MTMR11: variants seen among roughly 807,000 people sequenced by gnomAD.
MTMR11 encodes the protein myotubularin-related protein 11.
In MTMR11, 89 loss-of-function variants were observed where a neutral mutation model predicts 100.0. That is an observed-to-expected ratio of 0.89 (90% CI 0.75 to 1.06). The LOEUF is 1.06. Among genes scored for constraint, MTMR11 ranks in the 50% least tolerant of loss-of-function variants. MTMR11 has a pLI of 0.00. For synonymous variants in MTMR11, 336 were observed against 326.3 expected (o/e 1.03, Z -0.32); for missense variants, 809 against 873.7 (o/e 0.93, Z 0.93).
At chr1:149,931,544 G>T in intron 12 of MTMR11, 118 bp from the exon 13 acceptor site, 1 of 955,082 alleles carries the variant, frequency 1.0e-6, no homozygotes, top group Non-Finnish European at 1.5e-6. Context: ...AAAGGTTTGG[G>T]GTAGGAGGAT....
At chr1:149,935,412 C>A (rs1211619969) in intron 3 of MTMR11, 53 bp from the exon 4 acceptor site, 2 of 1,601,844 alleles carry the variant, frequency 1.2e-6, no homozygotes, top group Admixed American at 3.4e-5. Context: ...CATTTTCCTA[C>A]CCTGGCAGCC....
rs1553768543 is a variant in MTMR11, at chr1:149,934,436, A to C, written c.547+12T>G. On this transcript the variant is annotated intron_variant, in intron 6 of 16. Coordinates refer to ENST00000439741, the MANE Select transcript of MTMR11 (RefSeq NM_001145862.2). ...TTCAGACTCTTCCTTACCCTAAAGC[A>C]CTCTCACTCACCAGCCTTGCTCAGG... The C allele has an allele frequency of 1.2e-6, 2 of 1,613,780 alleles. No individual in the cohort carries two copies. Among genetic ancestry groups the C allele is most frequent in the Non-Finnish European group, 1.7e-6 (2 of 1,179,876 alleles).
At chr1:149,931,040 G>A in intron 13 of MTMR11, 75 bp from the exon 14 acceptor site, 1 of 1,421,906 alleles carries the variant, frequency 7.0e-7, no homozygotes. Context: ...TAAGGGAATG[G>A]GGAACACAGG....
rs2092719823 is a variant in MTMR11, at chr1:149,936,161, G to T, written c.135C>A (p.Cys45Ter). 6.2e-7 allele frequency: 1 copy of T among 1,613,672 alleles called. No individual in the cohort carries two copies. Among genetic ancestry groups the T allele is most frequent in the Non-Finnish European group, 8.5e-7 (1 of 1,179,718 alleles). The change falls in exon 2 of 17, where the codon TGC becomes TGA. Residue 45 changes from cysteine (C) to a stop codon, truncating the protein, a stop_gained. Transcript: ENST00000439741. LOFTEE classifies it high-confidence loss of function. Reference sequence around the variant, plus strand: ...GTGATAGGGCATTATTACCTGGGAGGCATCTGGAGGCCAGGCAACTGCTAG... The same window carrying T: ...GTGATAGGGCATTATTACCTGGGAGTCATCTGGAGGCCAGGCAACTGCTAG... ...RQPSSCLASR[C>*]LPGEQILAWA...
rs1015700061 is a variant in MTMR11, at chr1:149,936,093, G to A, written c.142+61C>T. ...ACAGGGGTATCTTTGGTGAGGGCATGAAACAAGATTGGCGTAGGATGAAAT... is the reference window on the plus strand; with the variant it reads ...ACAGGGGTATCTTTGGTGAGGGCATAAAACAAGATTGGCGTAGGATGAAAT... On this transcript the variant is annotated intron_variant, in intron 2 of 16. Transcript: ENST00000439741. 2.0e-5 allele frequency: 31 copies of A among 1,541,404 alleles called. No individual in the cohort carries two copies. The African/African-American group carries it at 3.7e-4, about 18-fold the overall frequency.
chr1:149,930,921 G>A lies in MTMR11; in HGVS notation c.1335C>T (p.Leu445=). Residue 445 remains leucine, a synonymous_variant, in exon 14 of 17, where the codon CTC becomes CTT. Transcript: ENST00000439741. ...ATTCAAAATCAGCTGGAAACTGCTGGAGGAGCTGCCAGACACAATCAAGGA... is the reference window on the plus strand; with the variant it reads ...ATTCAAAATCAGCTGGAAACTGCTGAAGGAGCTGCCAGACACAATCAAGGA... ...LLFLDCVWQL[L]QQFPADFEFS... The A allele has an allele frequency of 1.9e-6, 3 of 1,612,710 alleles. No individual in the cohort carries two copies. The highest frequency in any genetic ancestry group is 2.5e-6 in the Non-Finnish European group (3 of 1,179,566).
intron 1 of MTMR11, 91 bp from the exon 2 acceptor site, chr1:149,936,320 ACT>A: frequency 2.6e-6 from 4 of 1,547,304 alleles, no homozygotes; most frequent in South Asian, 2.4e-5. Flanking sequence ...CTACACTCAC[ACT>A]CTCGGGGGAA....
rs375056221 is a variant in MTMR11, at chr1:149,935,103, G to A, written c.351C>T (p.Leu117=). 5.0e-6 allele frequency: 8 copies of A among 1,614,148 alleles called. No individual in the cohort carries two copies. Among genetic ancestry groups the A allele is most frequent in the Middle Eastern group, 1.7e-4 (1 of 6,058 alleles). The change falls in exon 5 of 17, where the codon CTC becomes CTT. Residue 117 remains leucine (L), a synonymous_variant. Transcript: ENST00000439741. ...ATTTATGCAGGGACCCTGGACGGAG[G>A]AGCTGGACTCGGGACAAGCCGCTCA... The part of the protein sequence containing the change: ...EAVSGLSRVQ[L]LRPGSLHKFI...
chr1:149,930,896 A>G lies in MTMR11; in HGVS notation c.1360T>C (p.Phe454Leu). 1 of 1,613,462 alleles carries G rather than the reference A, an allele frequency of 6.2e-7. No homozygotes were observed. Among genetic ancestry groups the G allele is most frequent in the Non-Finnish European group, 8.5e-7 (1 of 1,179,768 alleles). The stretch of plus-strand genomic sequence containing the variant: ...AGAGCAAGAAGGAAAAACTCAGAGA[A>G]TTCAAAATCAGCTGGAAACTGCTGG... The part of the protein sequence containing the change: ...LLQQFPADFE[F>L]SEFFLLALHD... Residue 454 changes from phenylalanine (F) to leucine (L), a missense_variant, in exon 14 of 17, where the codon TTC becomes CTC. Physicochemically the swap from Phe to Leu is conservative, Grantham distance 22. Transcript: ENST00000439741.
Position 149,931,279 on chromosome 1 carries a change from C to T in MTMR11, c.1271G>A (p.Gly424Glu), listed in dbSNP as rs1571542514. 1 of 1,614,066 alleles carries T rather than the reference C, an allele frequency of 6.2e-7. No homozygotes were observed. The highest frequency in any genetic ancestry group is 1.7e-5 in the Admixed American group (1 of 60,012). Residue 424 changes from glycine to glutamate, a missense_variant, in exon 13 of 17, where the codon GGA (glycine) becomes GAA (glutamate). By Grantham distance (98) the Gly-to-Glu change is moderately conservative. Transcript: ENST00000439741. Reference sequence around the variant, plus strand: ...TCTCACCTCTTCACTGGCCCCAGTTCCCCCAAGCCGAGTCAGGAAGGGATG... The same window carrying T: ...TCTCACCTCTTCACTGGCCCCAGTTTCCCCAAGCCGAGTCAGGAAGGGATG... ...AGHPFLTRLG[G>E]TGASEEAPVF...
In MTMR11 at chr1:149,930,933, G is replaced by A. The variant is rs2092650647; in HGVS notation, c.1323C>T (p.Val441=). 6.2e-7 allele frequency: 1 copy of A among 1,610,252 alleles called. No individual in the cohort carries two copies. Among genetic ancestry groups the A allele is most frequent in the Admixed American group, 1.7e-5 (1 of 58,924 alleles). ...APVFLLFLDC[V]WQLLQQFPAD... is the part of the protein sequence containing the mutation. ...CTGGAAACTGCTGGAGGAGCTGCCA[G>A]ACACAATCAAGGAAGAGGAGAAACA... Residue 441 remains valine, a synonymous_variant, in exon 14 of 17, where the codon GTC becomes GTT. Coordinates refer to ENST00000439741, the MANE Select transcript of MTMR11 (RefSeq NM_001145862.2).
rs587604192 is a variant in MTMR11, at chr1:149,934,000, T to C, written c.684-58A>G. The C allele has an allele frequency of 5.0e-5, 79 of 1,565,410 alleles. No homozygotes were observed. The African/African-American group carries it at 1.0e-3, about 20-fold the overall frequency. ...CAGTGACTTCATTATAATGGAAAGCTCTTATTACAAGGAAGCTGCTTCAGA... is the reference window on the plus strand; with the variant it reads ...CAGTGACTTCATTATAATGGAAAGCCCTTATTACAAGGAAGCTGCTTCAGA... On this transcript the variant is annotated intron_variant, in intron 7 of 16. Transcript: ENST00000439741.
rs2092686102 is a variant in MTMR11, at chr1:149,933,468, T to TCATC, written c.919_922dup (p.Glu308GlyfsTer2). ...TTGGACATCTGCAAGGCTGGGCAGC[T>TCATC]CATCCATAGTGTCTACCAGGACAAC... is the stretch of plus-strand genomic sequence containing the variant. On this transcript the variant is annotated stop_gained and frameshift_variant, in exon 10 of 17. Coordinates refer to ENST00000439741, the MANE Select transcript of MTMR11 (RefSeq NM_001145862.2). LOFTEE classifies it high-confidence loss of function. 1 of 1,613,956 alleles carries TCATC rather than the reference T, an allele frequency of 6.2e-7. No individual in the cohort carries two copies. Among genetic ancestry groups the TCATC allele is most frequent in the Admixed American group, 1.7e-5 (1 of 59,988 alleles).
At position 149,934,491 on chromosome 1, in the gene MTMR11, G is replaced by A. The variant is rs1164245722; in HGVS notation, c.504C>T (p.Ser168=). The A allele has an allele frequency of 8.7e-6, 14 of 1,614,094 alleles. No individual in the cohort carries two copies. Among genetic ancestry groups the A allele is most frequent in the Non-Finnish European group, 1.2e-5 (14 of 1,180,046 alleles). ...TMAIVQARAQ[S]NQAQQYSGIT... is the part of the protein sequence containing the mutation. ...TCCCCGAATACTGTTGGGCTTGATT[G>A]CTCTGAGCTCTGGCTTGGACAATGG... Residue 168 remains serine (S), a synonymous_variant, in exon 6 of 17, where the codon AGC becomes AGT. Coordinates refer to ENST00000439741, the MANE Select transcript of MTMR11 (RefSeq NM_001145862.2).
Position 149,933,523 on chromosome 1 carries a change from C to T in MTMR11, c.868G>A (p.Glu290Lys). ...DPNKEDIRAVELMLQAGHSDV... is the reference protein window; with the variant it reads ...DPNKEDIRAVKLMLQAGHSDV... ...GAATGCCCAGCCTGGAGCATCAACT[C>T]CACTGCTCTGGAGGGGAGGGAGTCA... Residue 290 changes from glutamate (E) to lysine (K), a missense_variant, in exon 10 of 17, where the codon GAG becomes AAG. Transcript: ENST00000439741. 1.2e-6 allele frequency: 2 copies of T among 1,614,072 alleles called. No homozygotes were observed. The highest frequency in any genetic ancestry group is 2.2e-5 in the East Asian group (1 of 44,872).
In MTMR11 at chr1:149,935,036, G is replaced by A. The variant is rs1468467610; in HGVS notation, c.418C>T (p.Leu140=). 1.2e-6 allele frequency: 2 copies of A among 1,614,128 alleles called. No individual in the cohort carries two copies. The highest frequency in any genetic ancestry group is 1.3e-5 in the African/African-American group (1 of 75,032). The stretch of plus-strand genomic sequence containing the variant: ...CCAGCCTCAAAACCAACTCTGAGCA[G>A]CCGGAAGTCTCGGCCATGAATCAGA... The part of the protein sequence containing the change: ...EILIHGRDFR[L]LRVGFEAGGL... Residue 140 remains leucine, a synonymous_variant, in exon 5 of 17, where the codon CTG becomes TTG. Coordinates refer to ENST00000439741, the MANE Select transcript of MTMR11 (RefSeq NM_001145862.2).
At position 149,936,654 on chromosome 1, in the gene MTMR11, G is replaced by T; in HGVS notation, c.-7C>A. On this transcript the variant is annotated 5_prime_UTR_variant, in exon 1 of 17. Coordinates refer to ENST00000439741, the MANE Select transcript of MTMR11 (RefSeq NM_001145862.2). ...CCCGGCCCCCCCACCACATTTCTCTGGCTCCATCCGGGGACACAGCAGTTA... is the reference window on the plus strand; with the variant it reads ...CCCGGCCCCCCCACCACATTTCTCTTGCTCCATCCGGGGACACAGCAGTTA... The T allele has an allele frequency of 6.5e-7, 1 of 1,533,114 alleles. No homozygotes were observed. The highest frequency in any genetic ancestry group is 2.0e-5 in the Admixed American group (1 of 50,818). The allele number at this position is 1,533,114 out of a possible 1,614,324, so 95.0% of individuals were successfully genotyped here. A position where few individuals can be genotyped will look rare whatever the true frequency, so the allele number is the denominator to read the frequency against.
Position 149,936,239 on chromosome 1 carries a change from A to C in MTMR11, c.67-10T>G. 1 of 1,613,018 alleles carries C rather than the reference A, an allele frequency of 6.2e-7. No homozygotes were observed. The highest frequency in any genetic ancestry group is 1.1e-5 in the South Asian group (1 of 91,068). ...TATTTTCCTGGACAGACTTTGGTCC[A>C]GAGGGTTGAGGGGGGTCTAGAGTTA... On this transcript the variant is annotated splice_polypyrimidine_tract_variant and intron_variant, in intron 1 of 16. Coordinates refer to ENST00000439741, the MANE Select transcript of MTMR11 (RefSeq NM_001145862.2).
Position 149,934,284 on chromosome 1 carries a change from TC to T in MTMR11, c.589del (p.Glu197ArgfsTer29). The part of the protein sequence containing the change: ...GSRKPPIPLM[E>X]TAEDWETERK... ...CTCAGTCTCCCAGTCTTCCGCTGTC[TC>T]CATGAGAGGAATTGGTGGTTTTCTG... is the stretch of plus-strand genomic sequence containing the variant. On this transcript the variant is annotated frameshift_variant, in exon 7 of 17. Coordinates refer to ENST00000439741, the MANE Select transcript of MTMR11 (RefSeq NM_001145862.2). LOFTEE classifies it high-confidence loss of function. The T allele has an allele frequency of 6.2e-7, 1 of 1,614,168 alleles. No homozygotes were observed. The highest frequency in any genetic ancestry group is 8.5e-7 in the Non-Finnish European group (1 of 1,180,030).
Sources: gnomAD v4.1 joint callset for allele counts on GRCh38, gnomAD v4.1.1 for gene constraint, MANE v1.5 for transcripts, NCBI Gene and HGNC (gene_info 2026-07-23, HGNC 2026-07-21) for gene names.